The following SLC25A46 variants were observed in gnomAD, a reference collection of about 807,000 sequenced individuals.
SLC25A46 encodes the protein mitochondrial outer membrane protein SLC25A46.
SLC25A46 carries 39 observed loss-of-function variants against 44.6 expected under a neutral mutation model. The ratio of observed to expected loss-of-function variants is 0.87; its 90% CI spans 0.68 to 1.14. The LOEUF (loss-of-function observed/expected upper bound fraction) is 1.14. SLC25A46 is among the 50% of genes most tolerant of loss of function. The probability of loss-of-function intolerance (pLI) is 0.00; values close to 1 mark genes in which losing one functional copy is unlikely to be tolerated. For synonymous variants in SLC25A46, 202 were observed against 185.8 expected, an observed-to-expected ratio of 1.09 and a Z score of -0.71; for missense variants, 547 against 522.7, an observed-to-expected ratio of 1.05 and a Z score of -0.45.
rs1800322088 is a variant in SLC25A46, at chr5:110,763,848, G to C, written c.*2066G>C. ...TAACATTAAAATTGAAATGTAGAAA[G>C]TAAAATATGAATAATTTTTTACAAC... On this transcript the variant is annotated 3_prime_UTR_variant, in exon 8 of 8. Transcript: ENST00000355943. The C allele has an allele frequency of 6.6e-6, 1 of 151,730 alleles. No homozygotes were observed. The highest frequency in any genetic ancestry group is 2.4e-5 in the African/African-American group (1 of 41,388). The allele number at this position is 151,730 out of a possible 1,614,324, so 9.4% of individuals were successfully genotyped here. A position where few individuals can be genotyped will look rare whatever the true frequency, so the allele number is the denominator to read the frequency against.
chr5:110,754,600 GA>G (rs1387305009), intron 5 of SLC25A46: 1 of 149,806 alleles, frequency 6.7e-6, no homozygotes. Context: ...CTAGCAGACA[GA>G]ATGCACAAAA....
intron 5 of SLC25A46, among the ~76,000 whole-genome samples, chr5:110,752,570 A>G (rs1799992125): frequency 6.6e-6 from 1 of 152,140 alleles, no homozygotes; most frequent in Non-Finnish European, 1.5e-5. Flanking sequence ...GTTTTCCTCC[A>G]ACGGTTCCCT....
rs981378541 is a variant in SLC25A46, at chr5:110,764,481, T to G, written c.*2699T>G. The G allele has an allele frequency of 1.3e-5, 2 of 151,852 alleles. No homozygotes were observed. Among genetic ancestry groups the G allele is most frequent in the Admixed American group, 1.3e-4 (2 of 15,198 alleles). 9.4% of individuals were successfully genotyped at this position (151,852 alleles called of 1,614,324 possible). On this transcript the variant is annotated 3_prime_UTR_variant, in exon 8 of 8. Coordinates refer to ENST00000355943, the MANE Select transcript of SLC25A46 (RefSeq NM_138773.4). ...CACTTGAAAATGGGTATTTAATACCTTAGCTGGTGTTTTCAGAAGCATACA... is the reference window on the plus strand; with the variant it reads ...CACTTGAAAATGGGTATTTAATACCGTAGCTGGTGTTTTCAGAAGCATACA...
In SLC25A46 at chr5:110,761,216, C is replaced by A; in HGVS notation, c.691C>A (p.Arg231=). The A allele has an allele frequency of 6.3e-7, 1 of 1,590,976 alleles. No individual in the cohort carries two copies. ...LIETVQSEII[R]DNTGILECVK... The stretch of plus-strand genomic sequence containing the variant: ...ATTTTTATTTCAGAGTGAGATAATT[C>A]GAGATAATACTGGCATTTTGGAGTG... The change falls in exon 8 of 8, where the codon CGA becomes AGA. Residue 231 remains arginine (R), a synonymous_variant. Coordinates refer to ENST00000355943, the MANE Select transcript of SLC25A46 (RefSeq NM_138773.4). This position sits in a 1 kb window ranked among gnomAD's most constrained non-coding sequence, Gnocchi z 5.3.
At chr5:110,748,142 C>A in intron 4 of SLC25A46, 21 bp from the exon 5 acceptor site, 1 of 1,555,066 alleles carries the variant, frequency 6.4e-7, no homozygotes, top group Non-Finnish European at 8.9e-7. Flanking sequence ...ACAGAAATAA[C>A]ATGAATTTTG....
At position 110,739,132 on chromosome 5, in the gene SLC25A46, C is replaced by A. The variant is rs778529430; in HGVS notation, c.13C>A (p.Arg5Ser). ...TGCCCCCGCTGCGATGCATCCGCGGCGCCCGGACGGATTTGATGGCTTGGG... is the reference window on the plus strand; with the variant it reads ...TGCCCCCGCTGCGATGCATCCGCGGAGCCCGGACGGATTTGATGGCTTGGG... MHPR[R>S]PDGFDGLGYR... The change falls in exon 1 of 8, where the codon CGC (arginine) becomes AGC (serine). Residue 5 changes from arginine to serine, a missense_variant. Arg to Ser is a moderately radical substitution (Grantham distance 110, BLOSUM62 -1). Transcript: ENST00000355943. 1.9e-6 allele frequency: 3 copies of A among 1,547,776 alleles called. No homozygotes were observed. The highest frequency in any genetic ancestry group is 2.6e-6 in the Non-Finnish European group (3 of 1,146,672).
At chr5:110,739,002 T>C, upstream of SLC25A46, 1 of 1,467,990 alleles carries the variant, frequency 6.8e-7, no homozygotes, top group East Asian at 2.5e-5. Context: ...TGACTTCCGG[T>C]TGTCAGAATT....
chr5:110,752,709 G>A (rs1472450261), intron 5 of SLC25A46, among the ~76,000 whole-genome samples: 1 of 152,192 alleles, frequency 6.6e-6, no homozygotes, highest in African/African-American at 2.4e-5. Flanking sequence ...AGAAAAGAAA[G>A]ATTTTAAGTT....
intron 3 of SLC25A46, chr5:110,745,781 AC>A (rs1450761436): frequency 6.5e-6 from 1 of 152,890 alleles, no homozygotes; most frequent in Non-Finnish European, 1.5e-5. Flanking sequence ...TGGATACATT[AC>A]ATATAAGTAA....
At position 110,765,136 on chromosome 5, in the gene SLC25A46, T is replaced by C. The variant is rs554915908; in HGVS notation, c.*3354T>C. Reference sequence around the variant, plus strand: ...TGGGTAAATTGTGTAATATGAAAAGTTCAATAAAATGTCGAAATAAAGCCA... The same window carrying C: ...TGGGTAAATTGTGTAATATGAAAAGCTCAATAAAATGTCGAAATAAAGCCA... On this transcript the variant is annotated 3_prime_UTR_variant, in exon 8 of 8. Transcript: ENST00000355943. 2 of 151,904 alleles carry C rather than the reference T, an allele frequency of 1.3e-5. No homozygotes were observed. The highest frequency in any genetic ancestry group is 1.3e-4 in the Admixed American group (2 of 15,220). 9.4% of individuals were successfully genotyped at this position (151,904 alleles called of 1,614,324 possible). A position where few individuals can be genotyped will look rare whatever the true frequency, so the allele number is the denominator to read the frequency against.
chr5:110,742,097 T>G lies in SLC25A46; in HGVS notation c.326+8T>G, dbSNP rs1319462263. Reference sequence around the variant, plus strand: ...TGGTATTGGACTTGCAAGGTAATGTTTTATCTAAAGACGTTTACAGCTTTT... The same window carrying G: ...TGGTATTGGACTTGCAAGGTAATGTGTTATCTAAAGACGTTTACAGCTTTT... On this transcript the variant is annotated splice_region_variant and intron_variant, in intron 2 of 7. Transcript: ENST00000355943. The G allele has an allele frequency of 1.9e-6, 3 of 1,554,572 alleles. No individual in the cohort carries two copies. Among genetic ancestry groups the G allele is most frequent in the African/African-American group, 1.4e-5 (1 of 72,166 alleles).
At position 110,746,330 on chromosome 5, in the gene SLC25A46, G is replaced by T. The variant is rs780940437; in HGVS notation, c.446G>T (p.Ser149Ile). 18 of 1,587,558 alleles carry T rather than the reference G, an allele frequency of 1.1e-5. No individual in the cohort carries two copies. The South Asian group carries it at 2.1e-4, about 18-fold the overall frequency. The change falls in exon 4 of 8, where the codon AGT (serine) becomes ATT (isoleucine). Residue 149 changes from serine to isoleucine, a missense_variant. By Grantham distance (142) the Ser-to-Ile change is moderately radical. Coordinates refer to ENST00000355943, the MANE Select transcript of SLC25A46 (RefSeq NM_138773.4). The stretch of plus-strand genomic sequence containing the variant: ...TTTACAGTCATCAATATTATGTACA[G>T]TTTCAACAAAACTCAGGTGAGAATT... ...TPFTVINIMY[S>I]FNKTQGPRAL...
Position 110,761,823 on chromosome 5 carries a change from T to C in SLC25A46, c.*41T>C, listed in dbSNP as rs1414670633. ...ACTGAGTAGTCTGGAAGATATAATC[T>C]GGATAATTTGCTATGAAGTTATGAG... is the stretch of plus-strand genomic sequence containing the variant. On this transcript the variant is annotated 3_prime_UTR_variant, in exon 8 of 8. Transcript: ENST00000355943. The surrounding 1 kb of genome is among the most constrained non-coding windows in gnomAD (Gnocchi z 5.3). 1.3e-6 allele frequency: 2 copies of C among 1,483,328 alleles called. No individual in the cohort carries two copies. The highest frequency in any genetic ancestry group is 2.3e-5 in the East Asian group (1 of 42,988). 91.9% of individuals were successfully genotyped at this position (1,483,328 alleles called of 1,614,324 possible). A position where few individuals can be genotyped will look rare whatever the true frequency, so the allele number is the denominator to read the frequency against.
intron 6 of SLC25A46, chr5:110,756,203 G>A (rs753592811): frequency 6.6e-6 from 1 of 150,946 alleles, no homozygotes; most frequent in Admixed American, 6.6e-5. Context: ...CTAAATATTG[G>A]TGATAGGAAA....
chr5:110,760,274 C>T (rs1800216676), intron 7 of SLC25A46, among the ~76,000 whole-genome samples: 1 of 152,148 alleles, frequency 6.6e-6, no homozygotes, highest in South Asian at 2.1e-4. Context: ...AATTGAACCA[C>T]TTTACTTCTG....
chr5:110,748,110 T>C (rs899077633), intron 4 of SLC25A46, 53 bp from the exon 5 acceptor site: 3 of 1,242,140 alleles, frequency 2.4e-6, no homozygotes, highest in Middle Eastern at 3.8e-4. Context: ...TAAGATCTTT[T>C]GTGTTTCAGA....
Position 110,742,806 on chromosome 5 carries a change from C to CT in SLC25A46, c.326+725dup, listed in dbSNP as rs891169487. Among the ~76,000 whole-genome samples the CT allele has an allele frequency of 7.2e-5, 11 of 151,872 alleles. No individual in the cohort carries two copies. In the South Asian group the frequency reaches 1.7e-3, roughly 23 times the overall value. Reference sequence around the variant, plus strand: ...TAATCAGCGTTTGGTGATAGCATTACTTTTTTTTATATCTAACGATCATTT... The same window carrying CT: ...TAATCAGCGTTTGGTGATAGCATTACTTTTTTTTTATATCTAACGATCATTT... On this transcript the variant is annotated intron_variant, in intron 2 of 7. Transcript: ENST00000355943.
intron 4 of SLC25A46, 35 bp from the exon 5 acceptor site, chr5:110,748,128 A>G: frequency 7.0e-7 from 1 of 1,436,204 alleles, no homozygotes; most frequent in East Asian, 2.3e-5. Flanking sequence ...AGATGTAGGT[A>G]TTAACAGAAA....
Position 110,761,961 on chromosome 5 carries a change from C to A in SLC25A46, c.*179C>A. The A allele has an allele frequency of 1.9e-6, 1 of 535,178 alleles. No individual in the cohort carries two copies. Among genetic ancestry groups the A allele is most frequent in the South Asian group, 2.8e-5 (1 of 35,554 alleles). 33.2% of individuals were successfully genotyped at this position (535,178 alleles called of 1,614,324 possible). On this transcript the variant is annotated 3_prime_UTR_variant, in exon 8 of 8. Transcript: ENST00000355943. The surrounding 1 kb of genome is among the most constrained non-coding windows in gnomAD (Gnocchi z 5.3). ...TAAGGCATAGGTATATATTTTGGAT[C>A]AAAATCCTTCCAAATTTGAAAACTC...
Sources: gnomAD v4.1 joint callset for allele counts (sites outside exome capture counted in the v4.1 genomes callset) on GRCh38, gnomAD v4.1.1 for gene constraint, Gnocchi (gnomAD v3.1) non-coding constraint, MANE v1.5 for transcripts, NCBI Gene and HGNC (gene_info 2026-07-23, HGNC 2026-07-21) for gene names.